The following SHANK2 variants were observed in gnomAD, a reference collection of about 807,000 sequenced individuals.
SHANK2 encodes the protein SH3 and multiple ankyrin repeat domains 2.
A neutral mutation model predicts 133.7 loss-of-function variants in SHANK2; 43 were observed. That is an observed-to-expected ratio of 0.32 (90% confidence interval 0.25 to 0.41). The LOEUF (loss-of-function observed/expected upper bound fraction) is 0.41, where lower values mean the gene tolerates loss of function less well. Ranked by LOEUF, SHANK2 falls within the 10% of genes least tolerant of loss-of-function variation. The pLI is 1.00. For missense variants in SHANK2, 1,994 were observed against 2,235.8 expected (o/e 0.89, Z 2.18); for synonymous variants, 1,017 against 952.8 (o/e 1.07, Z -1.24).
rs782650866 is a variant in SHANK2, at chr11:70,557,420, G to C, written c.2062-54489C>G. On this transcript the variant is annotated intron_variant, in intron 17 of 25. Coordinates refer to ENST00000601538, the MANE Select transcript of SHANK2 (RefSeq NM_012309.5). Reference sequence around the variant, plus strand: ...CTAAGAAGGGACTCACATGGAGGGCGTTCCATATGGAAGCTTCCAGACAGA... The same window carrying C: ...CTAAGAAGGGACTCACATGGAGGGCCTTCCATATGGAAGCTTCCAGACAGA... Among the ~76,000 whole-genome samples the C allele has an allele frequency of 7.9e-5, 12 of 152,182 alleles. 1 individual carries two copies. The highest frequency in any genetic ancestry group is 2.0e-4 in the Admixed American group (3 of 15,280).
At chr11:71,148,445 G>A (rs1421136557) in intron 2 of SHANK2, among the ~76,000 whole-genome samples, 2 of 152,212 alleles carry the variant, frequency 1.3e-5, no homozygotes, top group Non-Finnish European at 1.5e-5. Flanking sequence ...TTTGGTGGCT[G>A]CATCTATGAC....
At chr11:70,519,905 A>AT (rs781977357) in intron 17 of SHANK2, among the ~76,000 whole-genome samples, 1,589 of 121,440 alleles carry the variant, frequency 0.013, 21 homozygotes, top group Middle Eastern at 0.036. Context: ...ACCATGCCTA[A>AT]TTTTTTTTTT....
chr11:71,150,976 C>T (rs1295730881), intron 2 of SHANK2, among the ~76,000 whole-genome samples: 1 of 152,146 alleles, frequency 6.6e-6, no homozygotes, highest in Non-Finnish European at 1.5e-5. Flanking sequence ...CAGGCTCCCG[C>T]CTCCTGAGCC....
intron 9 of SHANK2, among the ~76,000 whole-genome samples, chr11:71,069,883 C>CTG (rs1244003746): frequency 2.8e-4 from 42 of 152,238 alleles, no homozygotes; most frequent in African/African-American, 8.9e-4. Context: ...CCTGCATGCC[C>CTG]TGTGTGTGTG....
At chr11:70,749,554 G>C (rs1334126416) in intron 14 of SHANK2, among the ~76,000 whole-genome samples, 1 of 152,212 alleles carries the variant, frequency 6.6e-6, no homozygotes, top group Non-Finnish European at 1.5e-5. Flanking sequence ...CAAGAGAAAA[G>C]ACAAGAGATA....
intron 12 of SHANK2, among the ~76,000 whole-genome samples, chr11:70,808,556 T>G (rs1335088202): frequency 6.4e-5 from 7 of 109,784 alleles, no homozygotes; most frequent in Non-Finnish European, 1.1e-4. Flanking sequence ...GAAACCCTAT[T>G]TCTACAAAAA....
intron 7 of SHANK2, 77 bp from the exon 8 acceptor site, chr11:71,092,666 C>T: frequency 7.0e-7 from 1 of 1,419,026 alleles, no homozygotes; most frequent in Non-Finnish European, 9.6e-7. Flanking sequence ...CAGAAAGCAG[C>T]ACCAGGACCA....
At chr11:70,706,222 C>G (rs1341331317) in intron 14 of SHANK2, among the ~76,000 whole-genome samples, 1 of 152,186 alleles carries the variant, frequency 6.6e-6, no homozygotes, top group African/African-American at 2.4e-5. Flanking sequence ...TTAACTCTGC[C>G]TGGAACATTC....
chr11:70,517,925 C>A (rs2059285073), intron 17 of SHANK2, among the ~76,000 whole-genome samples: 1 of 152,054 alleles, frequency 6.6e-6, no homozygotes, highest in East Asian at 1.9e-4. Flanking sequence ...AATTGACAAG[C>A]CAATTGAAAA....
rs1951164763 is a variant in SHANK2 at position 71,073,136 on chromosome 11, C to CTTTTCTTTTTTT, written c.1029+2022_1029+2023insAAAAAAAGAAAA. Among the ~76,000 whole-genome samples, 27 of 72,384 alleles carry CTTTTCTTTTTTT rather than the reference C, an allele frequency of 3.7e-4. 1 individual carries two copies. Among genetic ancestry groups the CTTTTCTTTTTTT allele is most frequent in the Non-Finnish European group, 7.3e-4 (21 of 28,900 alleles). The allele number at this position is 72,384 out of a possible 152,430, so 47.5% of individuals were successfully genotyped here. A position where few individuals can be genotyped will look rare whatever the true frequency, so the allele number is the denominator to read the frequency against. Reference sequence around the variant, plus strand: ...GGAAGGCTTGCTTTTTGTTTTTTTTCTTTTTCTTTTCTTTTTTTTCTTTTT... The same window carrying CTTTTCTTTTTTT: ...GGAAGGCTTGCTTTTTGTTTTTTTTCTTTTCTTTTTTTTTTTTCTTTTCTTTTTTTTCTTTTT... On this transcript the variant is annotated intron_variant, in intron 9 of 25. Transcript: ENST00000601538.
At chr11:70,772,002 CAG>C (rs1565305954) in intron 14 of SHANK2, among the ~76,000 whole-genome samples, 3 of 152,172 alleles carry the variant, frequency 2.0e-5, no homozygotes, top group African/African-American at 7.2e-5. Context: ...CGGCTCAAGT[CAG>C]TGGAACCCAC....
intron 10 of SHANK2, among the ~76,000 whole-genome samples, chr11:70,932,045 T>C (rs966893190): frequency 2.0e-5 from 3 of 152,162 alleles, no homozygotes; most frequent in Middle Eastern, 3.2e-3. Flanking sequence ...ATTACCATAA[T>C]CTCTATGATA....
intron 15 of SHANK2, among the ~76,000 whole-genome samples, chr11:70,672,524 C>T (rs1555016336): frequency 1.3e-5 from 2 of 152,238 alleles, no homozygotes; most frequent in Non-Finnish European, 2.9e-5. Flanking sequence ...AGTGCCTTTG[C>T]GTTGCCTGTG....
intron 17 of SHANK2, among the ~76,000 whole-genome samples, chr11:70,618,499 A>C (rs2136437116): frequency 6.6e-6 from 1 of 152,290 alleles, no homozygotes; most frequent in South Asian, 2.1e-4. Context: ...CCTAGGTTCC[A>C]ATGAATGGCC....
At position 70,830,122 on chromosome 11, in the gene SHANK2, C is replaced by T. The variant is rs1555057962; in HGVS notation, c.1175-9440G>A. ...TGGCGCTGAAGGCACAGACTCTGCC[C>T]CGACAAACGCAAACCTTTGTGCAGC... On this transcript the variant is annotated intron_variant, in intron 11 of 25. Coordinates refer to ENST00000601538, the MANE Select transcript of SHANK2 (RefSeq NM_012309.5). This position sits in a 1 kb window ranked among gnomAD's most constrained non-coding sequence, Gnocchi z 4.4. 6.6e-6 allele frequency among the ~76,000 whole-genome samples: 1 copy of T among 152,182 alleles called. No homozygotes were observed. The highest frequency in any genetic ancestry group is 1.5e-5 in the Non-Finnish European group (1 of 68,034).
Position 71,210,252 on chromosome 11 carries a change from A to ATATATATATG in SHANK2, c.-13+14444_-13+14445insCATATATATA, listed in dbSNP as rs1954242919. ...TATATATATATATATATATATATATATTTATTTATTTTTTGAAACAGAGTC... is the reference window on the plus strand; with the variant it reads ...TATATATATATATATATATATATATATATATATATGTTTATTTATTTTTTGAAACAGAGTC... On this transcript the variant is annotated intron_variant, in intron 2 of 25. Coordinates refer to ENST00000601538, the MANE Select transcript of SHANK2 (RefSeq NM_012309.5). Among the ~76,000 whole-genome samples, 3 of 99,126 alleles carry ATATATATATG rather than the reference A, an allele frequency of 3.0e-5. No homozygotes were observed. In the Admixed American group the frequency reaches 3.1e-4, roughly 10 times the overall value. The allele number at this position is 99,126 out of a possible 152,430, so 65.0% of individuals were successfully genotyped here. A position where few individuals can be genotyped will look rare whatever the true frequency, so the allele number is the denominator to read the frequency against.
intron 5 of SHANK2, among the ~76,000 whole-genome samples, chr11:71,111,895 G>T (rs952310031): frequency 6.6e-6 from 1 of 152,188 alleles, no homozygotes; most frequent in Non-Finnish European, 1.5e-5. Flanking sequence ...TCTGAATACC[G>T]CTTTCCAGGC....
At chr11:70,730,802 G>A (rs1341260206) in intron 14 of SHANK2, among the ~76,000 whole-genome samples, 1 of 149,848 alleles carries the variant, frequency 6.7e-6, no homozygotes, top group East Asian at 1.9e-4. Flanking sequence ...TCACTGCTAT[G>A]CCTGGGACCT....
rs183698630 is a variant in SHANK2, at chr11:70,862,846, T to A, written c.1174+33655A>T. 271 of 274,360 alleles carry A rather than the reference T, an allele frequency of 9.9e-4. 3 individuals carry two copies. In the East Asian group the frequency reaches 0.026, roughly 27 times the overall value. 17.0% of individuals were successfully genotyped at this position (274,360 alleles called of 1,614,324 possible). A position where few individuals can be genotyped will look rare whatever the true frequency, so the allele number is the denominator to read the frequency against. On this transcript the variant is annotated intron_variant, in intron 11 of 25. Coordinates refer to ENST00000601538, the MANE Select transcript of SHANK2 (RefSeq NM_012309.5). Reference sequence around the variant, plus strand: ...TAGTCAACTGGGCAGCAGGACACAGTCTAGAGTCTAGTAAACTGGAGGTAA... The same window carrying A: ...TAGTCAACTGGGCAGCAGGACACAGACTAGAGTCTAGTAAACTGGAGGTAA...
Sources: gnomAD v4.1 joint callset for allele counts (sites outside exome capture counted in the v4.1 genomes callset) on GRCh38, gnomAD v4.1.1 for gene constraint, Gnocchi (gnomAD v3.1) non-coding constraint, MANE v1.5 for transcripts, NCBI Gene and HGNC (gene_info 2026-07-23, HGNC 2026-07-21) for gene names.